The following IL17RA variants were observed in gnomAD, a reference collection of about 807,000 sequenced individuals.
IL17RA encodes interleukin 17 receptor A, also known as interleukin-17 receptor A.
A neutral mutation model predicts 50.4 loss-of-function variants in IL17RA; 34 were observed. The ratio of observed to expected loss-of-function variants is 0.67; its 90% CI spans 0.51 to 0.90. IL17RA has a LOEUF of 0.90. Among genes scored for constraint, IL17RA ranks in the 40% least tolerant of loss-of-function variants. The pLI, the probability that IL17RA is intolerant of heterozygous loss-of-function variation, is 0.00. For synonymous variants in IL17RA, 585 were observed against 510.4 expected, an observed-to-expected ratio of 1.15 and a Z score of -1.97; for missense variants, 1,276 against 1,169.8, an observed-to-expected ratio of 1.09 and a Z score of -1.32.
intron 11 of IL17RA, among the ~76,000 whole-genome samples, chr22:17,106,669 G>A (rs1419960868): frequency 6.6e-6 from 1 of 152,120 alleles, no homozygotes; most frequent in East Asian, 1.9e-4. Flanking sequence ...TGCTCCTTCC[G>A]TCATCTGGGA....
intron 11 of IL17RA, 126 bp downstream of exon 11, chr22:17,106,080 GT>G (rs2061413735): frequency 1.3e-6 from 1 of 757,328 alleles, no homozygotes; most frequent in Admixed American, 2.0e-5. Context: ...TCATAAAGCT[GT>G]TGTAAGGACT....
chr22:17,108,802 G>C lies in IL17RA; in HGVS notation c.1583G>C (p.Arg528Thr). 6.2e-7 allele frequency: 1 copy of C among 1,607,064 alleles called. No homozygotes were observed. The highest frequency in any genetic ancestry group is 1.3e-5 in the African/African-American group (1 of 74,968). The change falls in exon 13 of 13, where the codon AGG (arginine) becomes ACG (threonine). Residue 528 changes from arginine to threonine, a missense_variant. Coordinates refer to ENST00000319363, the MANE Select transcript of IL17RA (RefSeq NM_014339.7). ...GAAPRYPLMDRFEEVYFRIQD... is the reference protein window; with the variant it reads ...GAAPRYPLMDTFEEVYFRIQD... ...GCGCCGCGGTACCCGCTCATGGACA[G>C]GTTCGAGGAGGTGTACTTCCGCATC...
rs11089412 is a variant in IL17RA, at chr22:17,105,720, T to A, written c.943+118T>A. ...AGGCTGAACCGAGGCCAGCCCGGGG[T>A]GGGGGGTGAGACCATGGTTTGTCGT... On this transcript the variant is annotated intron_variant, in intron 10 of 12. Coordinates refer to ENST00000319363, the MANE Select transcript of IL17RA (RefSeq NM_014339.7). The A allele has an allele frequency of 3.1e-4, 211 of 690,592 alleles. 3 individuals carry two copies. The highest frequency in any genetic ancestry group is 2.6e-3 in the South Asian group (106 of 40,480). The allele number at this position is 690,592 out of a possible 1,614,324, so 42.8% of individuals were successfully genotyped here.
At chr22:17,093,948 A>G (rs957477671) in intron 1 of IL17RA, 3 of 101,304 alleles carry the variant, frequency 3.0e-5, no homozygotes, top group African/African-American at 8.7e-5. Context: ...AGGTGACAGA[A>G]TAGCCCTTTT....
intron 10 of IL17RA, 107 bp downstream of exon 10, chr22:17,105,709 C>G: frequency 1.5e-6 from 2 of 1,375,228 alleles, no homozygotes; most frequent in Non-Finnish European, 2.0e-6. Context: ...TGAACCGAGG[C>G]CAGCCCGGGG....
At chr22:17,104,871 C>A (rs911225585) in intron 9 of IL17RA, 61 bp downstream of exon 9, 1 of 1,504,974 alleles carries the variant, frequency 6.6e-7, no homozygotes, top group Non-Finnish European at 9.2e-7. Flanking sequence ...AGGCCCCCAG[C>A]CTGTGCTGCG....
At chr22:17,094,693 A>C (rs8135457) in intron 1 of IL17RA, among the ~76,000 whole-genome samples, 3,442 of 44,728 alleles carry the variant, frequency 0.077, 144 homozygotes, top group African/African-American at 0.2. Flanking sequence ...CTCTCTCTCT[A>C]TATATATATA....
At position 17,105,461 on chromosome 22, in the gene IL17RA, A is replaced by C. The variant is rs1274460703; in HGVS notation, c.932-130A>C. 4 of 906,406 alleles carry C rather than the reference A, an allele frequency of 4.4e-6. No homozygotes were observed. The East Asian group carries it at 9.6e-5, about 22-fold the overall frequency. The allele number at this position is 906,406 out of a possible 1,614,324, so 56.1% of individuals were successfully genotyped here. A position where few individuals can be genotyped will look rare whatever the true frequency, so the allele number is the denominator to read the frequency against. ...CTTGTAGATGGTTTCATTAAGTTCA[A>C]CCTGGATCTAGAGTGCCTGGTGCAG... is the stretch of plus-strand genomic sequence containing the variant. On this transcript the variant is annotated intron_variant, in intron 9 of 12. Coordinates refer to ENST00000319363, the MANE Select transcript of IL17RA (RefSeq NM_014339.7).
chr22:17,108,464 G>A lies in IL17RA; in HGVS notation c.1245G>A (p.Leu415=). ...ACGTEVALDL[L]EEQAISEAGV... The stretch of plus-strand genomic sequence containing the variant: ...GCACGGAAGTGGCCCTGGACCTGCT[G>A]GAAGAGCAGGCCATCTCGGAGGCAG... The change falls in exon 13 of 13, where the codon CTG becomes CTA. Residue 415 remains leucine (L), a synonymous_variant. Transcript: ENST00000319363. 6.2e-7 allele frequency: 1 copy of A among 1,613,760 alleles called. No individual in the cohort carries two copies. Among genetic ancestry groups the A allele is most frequent in the Non-Finnish European group, 8.5e-7 (1 of 1,180,040 alleles).
At position 17,113,150 on chromosome 22, in the gene IL17RA, T is replaced by G. The variant is rs894675834; in HGVS notation, c.*3330T>G. The G allele has an allele frequency of 6.6e-6, 1 of 152,214 alleles. No homozygotes were observed. The highest frequency in any genetic ancestry group is 2.4e-5 in the African/African-American group (1 of 41,450). 9.4% of individuals were successfully genotyped at this position (152,214 alleles called of 1,614,324 possible). A position where few individuals can be genotyped will look rare whatever the true frequency, so the allele number is the denominator to read the frequency against. ...AGCAGTTTGAGCTGGGATCTCTGAA[T>G]GCAAGGGTATGATGGATATACTTCT... On this transcript the variant is annotated 3_prime_UTR_variant, in exon 13 of 13. Transcript: ENST00000319363.
intron 1 of IL17RA, among the ~76,000 whole-genome samples, chr22:17,088,027 G>C (rs1036859178): frequency 3.9e-5 from 6 of 152,190 alleles, no homozygotes; most frequent in African/African-American, 1.4e-4. Flanking sequence ...CAGGCACTGT[G>C]CCGGTGGCTC....
chr22:17,105,623 G>C (rs187020487), intron 10 of IL17RA, 21 bp downstream of exon 10: 31 of 1,612,504 alleles, frequency 1.9e-5, no homozygotes, highest in Non-Finnish European at 2.2e-5. Context: ...ATCTCTCTCC[G>C]ACAGCACTGC....
rs2061464280 is a variant in IL17RA, at chr22:17,115,511, T to C, written c.*5691T>C. ...CCTGAGTGAAACGCCTGCTTAGCAT[T>C]TGGCACAGCCAGAAGCAGCAAGCTA... On this transcript the variant is annotated 3_prime_UTR_variant, in exon 13 of 13. Coordinates refer to ENST00000319363, the MANE Select transcript of IL17RA (RefSeq NM_014339.7). The C allele has an allele frequency of 6.6e-6, 1 of 152,194 alleles. No homozygotes were observed. The highest frequency in any genetic ancestry group is 6.5e-5 in the Admixed American group (1 of 15,282). The allele number at this position is 152,194 out of a possible 1,614,324, so 9.4% of individuals were successfully genotyped here.
intron 1 of IL17RA, among the ~76,000 whole-genome samples, chr22:17,085,969 C>T (rs2061326150): frequency 6.6e-6 from 1 of 152,162 alleles, no homozygotes; most frequent in Non-Finnish European, 1.5e-5. Context: ...GCGCCCTTCC[C>T]GCCACTCCCA....
chr22:17,092,070 C>T (rs1254595262), intron 1 of IL17RA, among the ~76,000 whole-genome samples: 4 of 152,090 alleles, frequency 2.6e-5, no homozygotes, highest in African/African-American at 4.8e-5. Context: ...CACCCCTTTA[C>T]CCATCACATC....
intron 10 of IL17RA, 113 bp downstream of exon 10, chr22:17,105,715 C>CG (rs536619616): frequency 0.057 from 70,959 of 1,250,376 alleles, 1,094 homozygotes; most frequent in Middle Eastern, 0.11. Flanking sequence ...GAGGCCAGCC[C>CG]GGGGTGGGGG....
chr22:17,107,412 GA>G (rs2061418801), intron 11 of IL17RA, among the ~76,000 whole-genome samples: 1 of 152,194 alleles, frequency 6.6e-6, no homozygotes, highest in African/African-American at 2.4e-5. Flanking sequence ...GATCCCAATT[GA>G]TTATGTACAA....
intron 8 of IL17RA, among the ~76,000 whole-genome samples, 167 bp from the exon 9 acceptor site, chr22:17,104,559 A>C (rs1356460573): frequency 2.0e-5 from 3 of 152,056 alleles, no homozygotes; most frequent in Non-Finnish European, 4.4e-5. Flanking sequence ...TCCCACCCTC[A>C]CCTGGGCAGG....
In IL17RA at chr22:17,103,482, C is replaced by A. The variant is rs370882184; in HGVS notation, c.763-12C>A. 3.5e-5 allele frequency: 56 copies of A among 1,612,280 alleles called. No individual in the cohort carries two copies. The African/African-American group carries it at 7.0e-4, about 20-fold the overall frequency. ...CCCAACTAGCCTTACCCATCCTCGC[C>A]TCTCTCCTCAGCCCAGACCAGAAGA... is the stretch of plus-strand genomic sequence containing the variant. On this transcript the variant is annotated splice_polypyrimidine_tract_variant and intron_variant, in intron 7 of 12. Coordinates refer to ENST00000319363, the MANE Select transcript of IL17RA (RefSeq NM_014339.7).
Sources: allele counts gnomAD v4.1 joint callset (sites outside exome capture counted in the v4.1 genomes callset), GRCh38; gene constraint gnomAD v4.1.1; transcripts MANE v1.5; gene names NCBI Gene and HGNC (gene_info 2026-07-23, HGNC 2026-07-21).